Variants in HMOX1 observed in about 807,000 individuals in gnomAD.
HMOX1 encodes the protein heat shock protein, 32-kD.
A neutral mutation model predicts 27.8 loss-of-function variants in HMOX1; 22 were observed. That is an observed-to-expected ratio of 0.79 (90% CI 0.57 to 1.13). The LOEUF is 1.13. Among genes scored for constraint, HMOX1 ranks in the 50% most tolerant of loss-of-function variants. The probability of loss-of-function intolerance (pLI) is 0.00; values close to 1 mark genes in which losing one functional copy is unlikely to be tolerated. For synonymous variants in HMOX1, 153 were observed against 151.6 expected (o/e 1.01, Z -0.07); for missense variants, 379 against 377.7 (o/e 1.00, Z -0.03).
chr22:35,383,642 T>G (rs8140370), intron 2 of HMOX1, among the ~76,000 whole-genome samples: 7,966 of 152,262 alleles, frequency 0.052, 720 homozygotes, highest in African/African-American at 0.18. Flanking sequence ...CTTGTACTCC[T>G]TGTATTTCAG....
At chr22:35,382,201 C>G (rs566737961) in intron 1 of HMOX1, among the ~76,000 whole-genome samples, 3 of 152,318 alleles carry the variant, frequency 2.0e-5, no homozygotes, top group African/African-American at 4.8e-5. Context: ...CTCCTCTCCA[C>G]TGCGAACTAC....
rs75088893 is a variant in HMOX1 at position 35,391,966 on chromosome 22, T to C, written c.737-1502T>C. ...TTGGCCGGGCACGATGGCTCATGCCTGTAATCCCAGCACTTTGGGAGGCTG... is the reference window on the plus strand; with the variant it reads ...TTGGCCGGGCACGATGGCTCATGCCCGTAATCCCAGCACTTTGGGAGGCTG... On this transcript the variant is annotated intron_variant, in intron 4 of 4. Coordinates refer to ENST00000216117, the MANE Select transcript of HMOX1 (RefSeq NM_002133.3). Among the ~76,000 whole-genome samples, 432 of 152,108 alleles carry C rather than the reference T, an allele frequency of 2.8e-3. 2 individuals carry two copies. The highest frequency in any genetic ancestry group is 4.5e-3 in the Non-Finnish European group (307 of 67,952).
rs1569057483 is a variant in HMOX1, at chr22:35,389,373, TTCCTTCCTTCCTTCCTTC to T, written c.637-490_637-473del. Among the ~76,000 whole-genome samples, 76 of 69,096 alleles carry T rather than the reference TTCCTTCCTTCCTTCCTTC, an allele frequency of 1.1e-3. 8 individuals are homozygous for T. The highest frequency in any genetic ancestry group is 3.1e-3 in the African/African-American group (25 of 8,032). 45.3% of individuals were successfully genotyped at this position (69,096 alleles called of 152,430 possible). On this transcript the variant is annotated intron_variant, in intron 3 of 4. Coordinates refer to ENST00000216117, the MANE Select transcript of HMOX1 (RefSeq NM_002133.3). ...CTTCCTTCCTTCCTTCCTTCCTTCCTTCCTTCCTTCCTTCCTTCCTTCCTTTCTTTCTTTCTTTCTTTC... is the reference window on the plus strand; with the variant it reads ...CTTCCTTCCTTCCTTCCTTCCTTCCTCTTCCTTTCTTTCTTTCTTTCTTTC...
Position 35,381,112 on chromosome 22 carries a change from C to T in HMOX1, c.-62C>T. ...CCGGCAGTCAACGCCTGCCTCCTCT[C>T]GAGCGTCCTCAGCGCAGCCGCCGCC... On this transcript the variant is annotated 5_prime_UTR_variant, in exon 1 of 5. Coordinates refer to ENST00000216117, the MANE Select transcript of HMOX1 (RefSeq NM_002133.3). 1.3e-6 allele frequency: 2 copies of T among 1,533,074 alleles called. No individual in the cohort carries two copies. The highest frequency in any genetic ancestry group is 1.7e-6 in the Non-Finnish European group (2 of 1,144,670). The allele number at this position is 1,533,074 out of a possible 1,614,324, so 95.0% of individuals were successfully genotyped here.
rs201438906 is a variant in HMOX1 at position 35,393,637 on chromosome 22, C to T, written c.*39C>T. 2.0e-4 allele frequency: 316 copies of T among 1,612,952 alleles called. No homozygotes were observed. The highest frequency in any genetic ancestry group is 2.5e-4 in the Non-Finnish European group (289 of 1,179,242). Reference sequence around the variant, plus strand: ...GGCTCCCAGGGCCATGAACTTTGTCCGGTGGAAGGCCTTCTTTCTAGAGAG... The same window carrying T: ...GGCTCCCAGGGCCATGAACTTTGTCTGGTGGAAGGCCTTCTTTCTAGAGAG... On this transcript the variant is annotated 3_prime_UTR_variant, in exon 5 of 5. Coordinates refer to ENST00000216117, the MANE Select transcript of HMOX1 (RefSeq NM_002133.3).
In HMOX1 at chr22:35,383,053, A is replaced by T. The variant is rs1396958142; in HGVS notation, c.24-53A>T. The T allele has an allele frequency of 9.3e-6, 15 of 1,607,526 alleles. No individual in the cohort carries two copies. The East Asian group carries it at 3.4e-4, about 36-fold the overall frequency. ...ACAGGTGGGAGGCTCAGCAGTTGGGAAGGACCCCACCCCCAGCCAGCTTTG... is the reference window on the plus strand; with the variant it reads ...ACAGGTGGGAGGCTCAGCAGTTGGGTAGGACCCCACCCCCAGCCAGCTTTG... On this transcript the variant is annotated intron_variant, in intron 1 of 4. Coordinates refer to ENST00000216117, the MANE Select transcript of HMOX1 (RefSeq NM_002133.3).
At position 35,393,817 on chromosome 22, in the gene HMOX1, G is replaced by A; in HGVS notation, c.*219G>A. ...CAGGCAATGGCCTAAACTTCAGAGGGGGCGAAGGGATCAGCCCTGCCCTTC... is the reference window on the plus strand; with the variant it reads ...CAGGCAATGGCCTAAACTTCAGAGGAGGCGAAGGGATCAGCCCTGCCCTTC... On this transcript the variant is annotated 3_prime_UTR_variant, in exon 5 of 5. Coordinates refer to ENST00000216117, the MANE Select transcript of HMOX1 (RefSeq NM_002133.3). 3 of 583,986 alleles carry A rather than the reference G, an allele frequency of 5.1e-6. No individual in the cohort carries two copies. Among genetic ancestry groups the A allele is most frequent in the Non-Finnish European group, 6.2e-6 (2 of 322,516 alleles). The allele number at this position is 583,986 out of a possible 1,614,324, so 36.2% of individuals were successfully genotyped here. A position where few individuals can be genotyped will look rare whatever the true frequency, so the allele number is the denominator to read the frequency against.
chr22:35,389,931 G>A lies in HMOX1; in HGVS notation c.704G>A (p.Gly235Glu). The change falls in exon 4 of 5, where the codon GGG becomes GAG. Residue 235 changes from glycine (G) to glutamate (E), a missense_variant. By Grantham distance (98) the Gly-to-Glu change is moderately conservative. Coordinates refer to ENST00000216117, the MANE Select transcript of HMOX1 (RefSeq NM_002133.3). ...GACCAGAGCCCCTCACGGGCACCAG[G>A]GCTTCGCCAGCGGGCCAGCAACAAA... ...TKDQSPSRAP[G>E]LRQRASNKVQ... The A allele has an allele frequency of 6.2e-7, 1 of 1,611,916 alleles. No homozygotes were observed. The highest frequency in any genetic ancestry group is 8.5e-7 in the Non-Finnish European group (1 of 1,179,754).
rs1218749464 is a variant in HMOX1 at position 35,387,152 on chromosome 22, G to A, written c.612G>A (p.Lys204=). The A allele has an allele frequency of 6.2e-7, 1 of 1,613,444 alleles. No homozygotes were observed. Among genetic ancestry groups the A allele is most frequent in the African/African-American group, 1.3e-5 (1 of 74,940 alleles). ...GGCAGAGGGTGATAGAAGAGGCCAA[G>A]ACTGCGTTCCTGCTCAACATCCAGG... The part of the protein sequence containing the change: ...AVRQRVIEEA[K]TAFLLNIQLF... The change falls in exon 3 of 5, where the codon AAG becomes AAA. Residue 204 remains lysine, a synonymous_variant. Transcript: ENST00000216117.
chr22:35,392,916 C>T (rs2003038), intron 4 of HMOX1, among the ~76,000 whole-genome samples: 42,122 of 151,738 alleles, frequency 0.28, 6,308 homozygotes, highest in East Asian at 0.45. Context: ...CGGGGTTTCA[C>T]CATATTGGCC....
At chr22:35,387,261 T>A in intron 3 of HMOX1, 85 bp downstream of exon 3, 1 of 1,532,478 alleles carries the variant, frequency 6.5e-7, no homozygotes. Context: ...GAGGGTGCTA[T>A]AGGTCATGGT....
intron 4 of HMOX1, among the ~76,000 whole-genome samples, chr22:35,390,949 A>G (rs896836922): frequency 6.6e-6 from 1 of 152,108 alleles, no homozygotes; most frequent in South Asian, 2.1e-4. Context: ...ATGTACCCTC[A>G]CTAAGCCTAA....
intron 4 of HMOX1, among the ~76,000 whole-genome samples, chr22:35,392,456 C>CTGCT (rs761201355): frequency 3.1e-4 from 47 of 152,074 alleles, no homozygotes; most frequent in Middle Eastern, 3.4e-3. Flanking sequence ...CACAGTGTAC[C>CTGCT]TGCTTGCTTG....
At chr22:35,385,994 T>C (rs367629341) in intron 2 of HMOX1, among the ~76,000 whole-genome samples, 14 of 149,872 alleles carry the variant, frequency 9.3e-5, no homozygotes, top group Admixed American at 6.7e-4. Context: ...TTCGCTGTGT[T>C]GCCCAGGCTG....
At chr22:35,390,640 C>A (rs1931693496) in intron 4 of HMOX1, among the ~76,000 whole-genome samples, 1 of 152,194 alleles carries the variant, frequency 6.6e-6, no homozygotes, top group Non-Finnish European at 1.5e-5. Flanking sequence ...AGTTTCCCCA[C>A]CCGTAAAATC....
intron 4 of HMOX1, among the ~76,000 whole-genome samples, chr22:35,391,366 C>A (rs1931714903): frequency 6.6e-6 from 1 of 151,906 alleles, no homozygotes; most frequent in Admixed American, 6.6e-5. Flanking sequence ...CGGCTCACTG[C>A]AAGCTCCGCC....
chr22:35,388,713 C>T lies in HMOX1; in HGVS notation c.637-1151C>T, dbSNP rs12169444. On this transcript the variant is annotated intron_variant, in intron 3 of 4. Transcript: ENST00000216117. ...TCAGGAGGCTGAGGCAGGAGAATGG[C>T]GTGAACCCGGGAGGCGGAGCTTGCA... 3.3e-3 allele frequency among the ~76,000 whole-genome samples: 498 copies of T among 151,898 alleles called. 2 individuals carry two copies. The highest frequency in any genetic ancestry group is 0.011 in the African/African-American group (469 of 41,372).
intron 3 of HMOX1, among the ~76,000 whole-genome samples, chr22:35,389,215 C>CTTTCTCTCTT (rs1449903335): frequency 8.9e-6 from 1 of 112,182 alleles, no homozygotes; most frequent in African/African-American, 5.1e-5. Flanking sequence ...CTTTCTTTCT[C>CTTTCTCTCTT]TCTTTCTTTC....
intron 2 of HMOX1, among the ~76,000 whole-genome samples, chr22:35,383,773 G>A (rs1268348015): frequency 6.6e-6 from 1 of 152,194 alleles, no homozygotes; most frequent in African/African-American, 2.4e-5. Context: ...ATCTCCCTAA[G>A]CCACGTTTTC....
Sources: gnomAD v4.1 joint callset for allele counts (sites outside exome capture counted in the v4.1 genomes callset) on GRCh38, gnomAD v4.1.1 for gene constraint, MANE v1.5 for transcripts, NCBI Gene and HGNC (gene_info 2026-07-23, HGNC 2026-07-21) for gene names.